The following MADCAM1 variants were observed in gnomAD, a reference collection of about 807,000 sequenced individuals.
MADCAM1 encodes mucosal addressin cell adhesion molecule 1.
MADCAM1 carries 19 observed loss-of-function variants against 26.1 expected under a neutral mutation model. The ratio of observed to expected loss-of-function variants is 0.73; its 90% CI spans 0.51 to 1.07. The LOEUF is 1.07. Among genes scored for constraint, MADCAM1 ranks in the 50% least tolerant of loss-of-function variants. The probability of loss-of-function intolerance (pLI) is 0.00; values close to 1 mark genes in which losing one functional copy is unlikely to be tolerated. For missense variants in MADCAM1, 514 were observed against 542.1 expected (o/e 0.95, Z 0.51); for synonymous variants, 268 against 260.9 (o/e 1.03, Z -0.26).
At chr19:499,001 C>A in intron 3 of MADCAM1, 176 bp downstream of exon 3, 2 of 978,380 alleles carry the variant, frequency 2.0e-6, no homozygotes, top group Non-Finnish European at 3.1e-6. Context: ...CGAGCACCTG[C>A]CCCCCAGCAC....
chr19:499,517 C>A (rs551182180), intron 3 of MADCAM1, among the ~76,000 whole-genome samples: 1 of 152,186 alleles, frequency 6.6e-6, no homozygotes, highest in Non-Finnish European at 1.5e-5. Context: ...CACCCACACG[C>A]GTGTACAAAC....
rs1978354927 is a variant in MADCAM1, at chr19:501,801, A to ACCTCCCAG, written c.800_801insCCTCCCAG (p.Lys267AsnfsTer42). ...ACCACCTCCCCGGAGCCTCCCGACA[A>ACCTCCCAG]GACCTCCCCGGAGCCCGCCCCCCAG... is the stretch of plus-strand genomic sequence containing the variant. On this transcript the variant is annotated frameshift_variant, in exon 4 of 5. Coordinates refer to ENST00000215637, the MANE Select transcript of MADCAM1 (RefSeq NM_130760.3). LOFTEE classifies it high-confidence loss of function. 8.6e-7 allele frequency: 1 copy of ACCTCCCAG among 1,161,846 alleles called. No individual in the cohort carries two copies. The allele number at this position is 1,161,846 out of a possible 1,614,324, so 72.0% of individuals were successfully genotyped here.
In MADCAM1 at chr19:498,221, G is replaced by A. The variant is rs546819043; in HGVS notation, c.337+104G>A. On this transcript the variant is annotated intron_variant, in intron 2 of 4. Coordinates refer to ENST00000215637, the MANE Select transcript of MADCAM1 (RefSeq NM_130760.3). ...CTCCCAGATTGCAGGCAGGGTCCCA[G>A]CTCCATGCACAGCTCCCCGAAGCCA... The A allele has an allele frequency of 2.2e-5, 26 of 1,186,138 alleles. No individual in the cohort carries two copies. In the African/African-American group the frequency reaches 3.7e-4, roughly 17 times the overall value. 73.5% of individuals were successfully genotyped at this position (1,186,138 alleles called of 1,614,324 possible).
chr19:503,352 C>A (rs371621643), intron 4 of MADCAM1, among the ~76,000 whole-genome samples: 4 of 149,946 alleles, frequency 2.7e-5, no homozygotes, highest in South Asian at 2.1e-4. Context: ...GAGGCCAAGG[C>A]GGGCGGATCA....
chr19:501,511 AAAAAAAG>A, intron 3 of MADCAM1, 151 bp from the exon 4 acceptor site: 16 of 365,316 alleles, frequency 4.4e-5, no homozygotes, highest in South Asian at 4.3e-4. Context: ...AAAAAAAAAA[AAAAAAAG>A]AATAAATGGA....
intron 4 of MADCAM1, among the ~76,000 whole-genome samples, chr19:503,393 A>AAC (rs1978444381): frequency 6.6e-6 from 1 of 151,020 alleles, no homozygotes; most frequent in Non-Finnish European, 1.5e-5. Flanking sequence ...CATCCTGGCT[A>AAC]ACACGGTGAA....
At chr19:500,542 C>T (rs1978316189) in intron 3 of MADCAM1, among the ~76,000 whole-genome samples, 1 of 151,922 alleles carries the variant, frequency 6.6e-6, no homozygotes, top group Admixed American at 6.6e-5. Flanking sequence ...CCAGCCTGGC[C>T]AACATAGTGA....
rs770954228 is a variant in MADCAM1, at chr19:501,738, C to CCTCCCGACACCACTCCCA, written c.737_738insCTCCCGACACCACTCCCA (p.Pro246_Glu247insSerArgHisHisSerGln). On this transcript the variant is annotated inframe_insertion, in exon 4 of 5. Transcript: ENST00000215637. ...CCGGAGTCTCCCGACACCACCTCCC[C>CCTCCCGACACCACTCCCA]GGAGTCTCCCGACACCACCTCCCAG... The CCTCCCGACACCACTCCCA allele has an allele frequency of 1.3e-6, 1 of 765,924 alleles. No individual in the cohort carries two copies. The highest frequency in any genetic ancestry group is 2.9e-5 in the African/African-American group (1 of 34,702). The allele number at this position is 765,924 out of a possible 1,614,324, so 47.4% of individuals were successfully genotyped here.
chr19:499,284 G>T (rs967567519), intron 3 of MADCAM1: 1 of 459,960 alleles, frequency 2.2e-6, no homozygotes, highest in East Asian at 6.9e-5. Context: ...ATCTTTCCAC[G>T]GCTCTCTCCT....
chr19:496,922 G>A (rs1976584361), intron 1 of MADCAM1, among the ~76,000 whole-genome samples: 1 of 13,872 alleles, frequency 7.2e-5, no homozygotes, highest in South Asian at 2.5e-3. Flanking sequence ...GGGCGCGGGA[G>A]AGGGGAGGGG....
Position 501,715 on chromosome 19 carries a change from G to A in MADCAM1, c.714G>A (p.Pro238=), listed in dbSNP as rs367965950. The change falls in exon 4 of 5, where the codon CCG becomes CCA. Residue 238 remains proline (P), a synonymous_variant. Coordinates refer to ENST00000215637, the MANE Select transcript of MADCAM1 (RefSeq NM_130760.3). The part of the protein sequence containing the change: ...TSPEPPDTTS[P]ESPDTTSPES... ...CGGAGCCTCCCGACACCACCTCCCC[G>A]GAGTCTCCCGACACCACCTCCCCGG... 3.8e-5 allele frequency: 58 copies of A among 1,511,770 alleles called. No homozygotes were observed. The highest frequency in any genetic ancestry group is 2.2e-4 in the Middle Eastern group (1 of 4,522). The allele number at this position is 1,511,770 out of a possible 1,614,324, so 93.6% of individuals were successfully genotyped here.
At chr19:498,356 A>G in intron 2 of MADCAM1, 140 bp from the exon 3 acceptor site, 1 of 994,610 alleles carries the variant, frequency 1.0e-6, no homozygotes, top group Non-Finnish European at 1.3e-6. Flanking sequence ...GGGCCTGCGC[A>G]CAGGCCGTCC....
Position 504,849 on chromosome 19 carries a change from T to C in MADCAM1, c.1033T>C (p.Cys345Arg), listed in dbSNP as rs776308081. 6.2e-7 allele frequency: 1 copy of C among 1,612,994 alleles called. No homozygotes were observed. Among genetic ancestry groups the C allele is most frequent in the South Asian group, 1.1e-5 (1 of 91,086 alleles). Reference protein sequence around the residue: ...ALPTYHLWKRCRHLAEDDTHP... With the variant: ...ALPTYHLWKRRRHLAEDDTHP... ...GCCCACCTATCACCTCTGGAAACGC[T>C]GCCGGCACCTGGCTGAGGACGACAC... is the stretch of plus-strand genomic sequence containing the variant. The change falls in exon 5 of 5, where the codon TGC becomes CGC. Residue 345 changes from cysteine to arginine, a missense_variant. Physicochemically the swap from Cys to Arg is radical, Grantham distance 180 (BLOSUM62 -3). Transcript: ENST00000215637.
At chr19:497,221 A>G in intron 1 of MADCAM1, among the ~76,000 whole-genome samples, 1 of 33,994 alleles carries the variant, frequency 2.9e-5, no homozygotes, top group Non-Finnish European at 5.5e-5. Context: ...AGTGAAGAGG[A>G]CTCAGGAGAG....
At chr19:499,594 C>T (rs775149780) in intron 3 of MADCAM1, among the ~76,000 whole-genome samples, 70 of 152,236 alleles carry the variant, frequency 4.6e-4, no homozygotes, top group Non-Finnish European at 8.2e-4. Flanking sequence ...CCTTCTGTTT[C>T]GTTTCTTGAC....
intron 4 of MADCAM1, among the ~76,000 whole-genome samples, chr19:503,311 G>T (rs1292725930): frequency 1.3e-5 from 2 of 149,308 alleles, no homozygotes; most frequent in Non-Finnish European, 1.5e-5. Context: ...GCCGGGCACG[G>T]TGGCTTATGC....
Position 498,047 on chromosome 19 carries a change from C to T in MADCAM1, c.267C>T (p.Ala89=), listed in dbSNP as rs922245827. Residue 89 remains alanine (A), a synonymous_variant, in exon 2 of 5, where the codon GCC becomes GCT. Transcript: ENST00000215637. ...LTVRNASLSA[A]GTRVCVGSCG... ...TGCGCAACGCCTCGCTGTCGGCGGC[C>T]GGGACCCGCGTGTGCGTGGGCTCCT... 5.4e-6 allele frequency: 8 copies of T among 1,483,602 alleles called. No individual in the cohort carries two copies. In the African/African-American group the frequency reaches 5.8e-5, roughly 11 times the overall value. 91.9% of individuals were successfully genotyped at this position (1,483,602 alleles called of 1,614,324 possible). A position where few individuals can be genotyped will look rare whatever the true frequency, so the allele number is the denominator to read the frequency against.
In MADCAM1 at chr19:505,182, T is replaced by G; in HGVS notation, c.*217T>G. On this transcript the variant is annotated 3_prime_UTR_variant, in exon 5 of 5. Coordinates refer to ENST00000215637, the MANE Select transcript of MADCAM1 (RefSeq NM_130760.3). Reference sequence around the variant, plus strand: ...CCATGACCTGAAGCCCCTCCCTGAGTGGTCCCCACCTTTCTGGACGGAACC... The same window carrying G: ...CCATGACCTGAAGCCCCTCCCTGAGGGGTCCCCACCTTTCTGGACGGAACC... 2.1e-6 allele frequency: 1 copy of G among 486,192 alleles called. No homozygotes were observed. Among genetic ancestry groups the G allele is most frequent in the South Asian group, 3.9e-5 (1 of 25,744 alleles). The allele number at this position is 486,192 out of a possible 1,614,324, so 30.1% of individuals were successfully genotyped here.
At position 503,458 on chromosome 19, in the gene MADCAM1, G is replaced by A. The variant is rs567593811; in HGVS notation, c.929-1287G>A. Among the ~76,000 whole-genome samples, 9 of 148,604 alleles carry A rather than the reference G, an allele frequency of 6.1e-5. No homozygotes were observed. In the East Asian group the frequency reaches 1.4e-3, roughly 24 times the overall value. On this transcript the variant is annotated intron_variant, in intron 4 of 4. Transcript: ENST00000215637. Reference sequence around the variant, plus strand: ...TAGCCGGGCGTGGCAGCGGGCGCCTGTAGTCCCAGCTACTCGGGAGGCTGA... The same window carrying A: ...TAGCCGGGCGTGGCAGCGGGCGCCTATAGTCCCAGCTACTCGGGAGGCTGA...
Sources: gnomAD v4.1 joint callset for allele counts (sites outside exome capture counted in the v4.1 genomes callset) on GRCh38, gnomAD v4.1.1 for gene constraint, MANE v1.5 for transcripts, NCBI Gene and HGNC (gene_info 2026-07-23, HGNC 2026-07-21) for gene names.